SORCS2: variants seen among roughly 807,000 people sequenced by gnomAD.
The protein encoded by SORCS2 is sortilin related VPS10 domain containing receptor 2, also known as VPS10 domain-containing receptor SorCS2.
In SORCS2, 100 loss-of-function variants were observed where a neutral mutation model predicts 141.6. That is an observed-to-expected ratio of 0.71 (90% CI 0.60 to 0.83). SORCS2 has a LOEUF of 0.83. SORCS2 is among the 40% of genes least tolerant of loss of function. The pLI is 0.00. For missense variants in SORCS2, 1,646 were observed against 1,560.2 expected, an observed-to-expected ratio of 1.05 and a Z score of -0.93; for synonymous variants, 789 against 676.9, an observed-to-expected ratio of 1.17 and a Z score of -2.57.
chr4:7,715,378 C>G (rs1726124783), intron 17 of SORCS2, 67 bp downstream of exon 17: 7 of 1,585,296 alleles, frequency 4.4e-6, no homozygotes, highest in Non-Finnish European at 6.0e-6. Context: ...GCCCCGAAAC[C>G]ACGCCTTCCT....
rs181459173 is a variant in SORCS2 at position 7,644,852 on chromosome 4, A to T, written c.813+6360A>T. ...GTGATGAAATTCACCCTTCCACAGG[A>T]TGCACCCATGCAGGTTTCAGCTGCA... On this transcript the variant is annotated intron_variant, in intron 4 of 26. Transcript: ENST00000507866. Among the ~76,000 whole-genome samples, 6 of 152,276 alleles carry T rather than the reference A, an allele frequency of 3.9e-5. No individual in the cohort carries two copies. In the East Asian group the frequency reaches 1.2e-3, roughly 29 times the overall value.
intron 3 of SORCS2, among the ~76,000 whole-genome samples, chr4:7,556,093 G>T (rs1177494409): frequency 6.6e-6 from 1 of 152,200 alleles, no homozygotes. Context: ...CCAACGTTAG[G>T]GTTGTATTTG....
intron 1 of SORCS2, among the ~76,000 whole-genome samples, chr4:7,300,265 G>A (rs922861675): frequency 6.6e-6 from 1 of 152,118 alleles, no homozygotes; most frequent in East Asian, 1.9e-4. Context: ...AGGAGTGAGG[G>A]TCTAATCTCG....
At chr4:7,354,813 A>T (rs1360175753) in intron 1 of SORCS2, among the ~76,000 whole-genome samples, 1 of 152,208 alleles carries the variant, frequency 6.6e-6, no homozygotes, top group Non-Finnish European at 1.5e-5. Context: ...CGAACCCCAG[A>T]GTAAGTGAAA....
chr4:7,385,833 G>T (rs879617582), intron 1 of SORCS2, among the ~76,000 whole-genome samples: 14 of 152,234 alleles, frequency 9.2e-5, no homozygotes, highest in Non-Finnish European at 1.3e-4. Context: ...ATTGGGACCA[G>T]ATGTCTGAAG....
intron 1 of SORCS2, among the ~76,000 whole-genome samples, chr4:7,373,806 G>A (rs1722434352): frequency 6.6e-6 from 1 of 151,874 alleles, no homozygotes; most frequent in African/African-American, 2.4e-5. Context: ...TATATATTCT[G>A]ACTGCAAATC....
chr4:7,555,329 G>A (rs768649943), intron 3 of SORCS2, among the ~76,000 whole-genome samples: 8 of 152,212 alleles, frequency 5.3e-5, no homozygotes, highest in Non-Finnish European at 7.3e-5. Flanking sequence ...GCATCCTGAG[G>A]GCACTTTCTG....
chr4:7,544,960 T>A (rs957470446), intron 3 of SORCS2, among the ~76,000 whole-genome samples: 3 of 152,204 alleles, frequency 2.0e-5, no homozygotes. Flanking sequence ...ATCAGCGATG[T>A]TCTCCATTTC....
intron 3 of SORCS2, among the ~76,000 whole-genome samples, chr4:7,573,207 T>C (rs1715512142): frequency 6.6e-6 from 1 of 152,206 alleles, no homozygotes; most frequent in African/African-American, 2.4e-5. Context: ...GTTTATAAGA[T>C]ACTCCTCCAA....
At position 7,648,989 on chromosome 4, in the gene SORCS2, C is replaced by G. The variant is rs919815635; in HGVS notation, c.814-5145C>G. On this transcript the variant is annotated intron_variant, in intron 4 of 26. Transcript: ENST00000507866. The surrounding 1 kb of genome is among the most constrained non-coding windows in gnomAD (Gnocchi z 4.2). ...CCCCGAGCCCAGCTGGCACTGGCAC[C>G]AGGACATGAGGGTGTGGCGGACGAA... Among the ~76,000 whole-genome samples the G allele has an allele frequency of 2.0e-4, 30 of 152,278 alleles. No individual in the cohort carries two copies. The highest frequency in any genetic ancestry group is 7.2e-4 in the African/African-American group (30 of 41,542).
rs553669909 is a variant in SORCS2, at chr4:7,286,473, CCT to C, written c.480+93348_480+93349del. ...GTTGGAGATGCACCATCCTCTCAGC[CCT>C]GTTTCTCTTCTTCTCCTGAGGTTTC... On this transcript the variant is annotated intron_variant, in intron 1 of 26. Transcript: ENST00000507866. The surrounding 1 kb of genome is among the most constrained non-coding windows in gnomAD (Gnocchi z 4.1). Among the ~76,000 whole-genome samples the C allele has an allele frequency of 1.7e-4, 26 of 152,282 alleles. No individual in the cohort carries two copies. The highest frequency in any genetic ancestry group is 4.1e-4 in the South Asian group (2 of 4,822).
intron 3 of SORCS2, among the ~76,000 whole-genome samples, chr4:7,548,881 G>A (rs1713471161): frequency 6.6e-6 from 1 of 152,224 alleles, no homozygotes; most frequent in African/African-American, 2.4e-5. Flanking sequence ...CTGCCGGATT[G>A]ACAAAAGAGC....
Position 7,226,168 on chromosome 4 carries a change from C to T in SORCS2, c.480+33042C>T, listed in dbSNP as rs1728980134. ...AGGGCTGGAAGCTGCAATGCCACCA[C>T]TGAGGGAGTGTCTATGGTGGCAGGC... On this transcript the variant is annotated intron_variant, in intron 1 of 26. Transcript: ENST00000507866. Among the ~76,000 whole-genome samples the T allele has an allele frequency of 2.0e-5, 3 of 152,210 alleles. No individual in the cohort carries two copies. In the South Asian group the frequency reaches 6.2e-4, roughly 31 times the overall value.
At chr4:7,295,315 C>T (rs1201316051) in intron 1 of SORCS2, among the ~76,000 whole-genome samples, 1 of 150,418 alleles carries the variant, frequency 6.6e-6, no homozygotes, top group South Asian at 2.1e-4. Flanking sequence ...AAACATGGCG[C>T]AGGCCTGATT....
intron 3 of SORCS2, among the ~76,000 whole-genome samples, chr4:7,610,592 G>A (rs889128938): frequency 1.3e-5 from 2 of 152,180 alleles, no homozygotes; most frequent in Non-Finnish European, 2.9e-5. Context: ...GTGGGGCTTG[G>A]GGGGGTCCTT....
At chr4:7,256,775 C>T (rs4610334) in intron 1 of SORCS2, among the ~76,000 whole-genome samples, 122,368 of 146,560 alleles carry the variant, frequency 0.83, 51,295 homozygotes, top group Non-Finnish European at 0.88. Flanking sequence ...AGGGGGCGTC[C>T]AGCATGAGCA....
chr4:7,520,194 C>T (rs980964625), intron 2 of SORCS2, among the ~76,000 whole-genome samples: 1 of 152,180 alleles, frequency 6.6e-6, no homozygotes, highest in Admixed American at 6.5e-5. Context: ...CACGTGCACG[C>T]CTGGTCTGGA....
At chr4:7,298,794 G>C (rs568962973) in intron 1 of SORCS2, among the ~76,000 whole-genome samples, 175 of 152,324 alleles carry the variant, frequency 1.1e-3, no homozygotes, top group African/African-American at 4.1e-3. Flanking sequence ...GCTGTGCCCA[G>C]GCCGGGTGCT....
chr4:7,642,077 A>G (rs543857516), intron 4 of SORCS2, among the ~76,000 whole-genome samples: 1 of 152,282 alleles, frequency 6.6e-6, no homozygotes, highest in Admixed American at 6.5e-5. Flanking sequence ...TAGATGAATG[A>G]ATGATAAATT....
Sources: allele counts gnomAD v4.1 joint callset (sites outside exome capture counted in the v4.1 genomes callset), GRCh38; gene constraint gnomAD v4.1.1; non-coding constraint Gnocchi (gnomAD v3.1); transcripts MANE v1.5; gene names NCBI Gene and HGNC (gene_info 2026-07-23, HGNC 2026-07-21).